Variants in ZNF618 observed in about 807,000 individuals in gnomAD.
ZNF618 encodes the protein neural precursor cell expressed, developmentally down-regulated 10.
A neutral mutation model predicts 103.0 loss-of-function variants in ZNF618; 34 were observed. The observed-to-expected ratio is 0.33, with a 90% confidence interval of 0.25 to 0.44. The LOEUF (loss-of-function observed/expected upper bound fraction) is 0.44. Among genes scored for constraint, ZNF618 ranks in the 20% least tolerant of loss-of-function variants. ZNF618 has a pLI of 1.00. For synonymous variants in ZNF618, 551 were observed against 542.2 expected, an observed-to-expected ratio of 1.02 and a Z score of -0.23; for missense variants, 1,059 against 1,295.4, an observed-to-expected ratio of 0.82 and a Z score of 2.80.
At chr9:113,897,543 A>G (rs929575416) in intron 1 of ZNF618, among the ~76,000 whole-genome samples, 1 of 152,186 alleles carries the variant, frequency 6.6e-6, no homozygotes, top group Non-Finnish European at 1.5e-5. Flanking sequence ...TTTCTTAATA[A>G]TAGGAAATGT....
intron 2 of ZNF618, among the ~76,000 whole-genome samples, chr9:113,969,803 AC>A (rs1837779584): frequency 6.6e-6 from 1 of 152,148 alleles, no homozygotes; most frequent in Admixed American, 6.5e-5. Context: ...TGCTGCTGTT[AC>A]GTTGGGTAGA....
At chr9:113,918,385 C>T (rs1249453070) in intron 1 of ZNF618, among the ~76,000 whole-genome samples, 1 of 152,172 alleles carries the variant, frequency 6.6e-6, no homozygotes, top group Non-Finnish European at 1.5e-5. Context: ...TATTTTGAGA[C>T]TATGCAAATA....
intron 10 of ZNF618, among the ~76,000 whole-genome samples, chr9:114,017,582 CAG>C (rs535828425): frequency 5.8e-4 from 88 of 152,290 alleles, no homozygotes; most frequent in African/African-American, 2.1e-3. Flanking sequence ...CAAAGTCTGA[CAG>C]GGGTGGGGCT....
intron 10 of ZNF618, among the ~76,000 whole-genome samples, chr9:114,021,747 G>T (rs920910122): frequency 6.6e-6 from 1 of 151,960 alleles, no homozygotes; most frequent in African/African-American, 2.4e-5. Flanking sequence ...TCCCCATCCC[G>T]AGGCAAACAC....
chr9:113,943,606 A>T (rs1252270266), intron 1 of ZNF618, among the ~76,000 whole-genome samples: 1 of 150,214 alleles, frequency 6.7e-6, no homozygotes. Flanking sequence ...TTTTTTTTTT[A>T]AGAAAAGCTG....
At chr9:113,883,339 CT>C (rs1828710969) in intron 1 of ZNF618, among the ~76,000 whole-genome samples, 2 of 152,238 alleles carry the variant, frequency 1.3e-5, no homozygotes, top group Non-Finnish European at 1.5e-5. Flanking sequence ...CACCCCTGCC[CT>C]CCTCACTCCT....
intron 1 of ZNF618, among the ~76,000 whole-genome samples, chr9:113,939,820 A>T (rs979245341): frequency 1.3e-5 from 2 of 151,166 alleles, no homozygotes; most frequent in African/African-American, 4.9e-5. Context: ...CCACTTTTTC[A>T]TTTTTTAATA....
intron 1 of ZNF618, among the ~76,000 whole-genome samples, chr9:113,963,524 T>G (rs1435545680): frequency 6.6e-6 from 1 of 152,172 alleles, no homozygotes; most frequent in Non-Finnish European, 1.5e-5. Flanking sequence ...TGAAAAATAC[T>G]GACCACTGGG....
Position 113,989,962 on chromosome 9 carries a change from C to G in ZNF618, c.337+1382C>G, listed in dbSNP as rs138250175. Reference sequence around the variant, plus strand: ...TCCCCTGCTTATACCCTGGGACTCCCTACTGTCTCTAGAGTCGAGGCCAGA... The same window carrying G: ...TCCCCTGCTTATACCCTGGGACTCCGTACTGTCTCTAGAGTCGAGGCCAGA... On this transcript the variant is annotated intron_variant, in intron 3 of 14. Coordinates refer to ENST00000374126, the MANE Select transcript of ZNF618 (RefSeq NM_001318042.2). Among the ~76,000 whole-genome samples, 1,342 of 152,346 alleles carry G rather than the reference C, an allele frequency of 8.8e-3. 11 individuals are homozygous for G. The highest frequency in any genetic ancestry group is 0.015 in the Non-Finnish European group (1,011 of 68,022).
chr9:114,045,783 T>C (rs1845602950), intron 13 of ZNF618, among the ~76,000 whole-genome samples: 1 of 151,876 alleles, frequency 6.6e-6, no homozygotes, highest in South Asian at 2.1e-4. Context: ...ATAAGGATTG[T>C]GTTTAATCTA....
intron 1 of ZNF618, among the ~76,000 whole-genome samples, chr9:113,924,666 T>C (rs923605342): frequency 1.3e-5 from 2 of 151,908 alleles, no homozygotes; most frequent in African/African-American, 2.4e-5. Flanking sequence ...TTCAGTGCTA[T>C]AAAATTTCCT....
chr9:113,968,094 G>A (rs2132754306), intron 1 of ZNF618, among the ~76,000 whole-genome samples: 1 of 152,320 alleles, frequency 6.6e-6, no homozygotes, highest in African/African-American at 2.4e-5. Context: ...AACTCAAAAA[G>A]TTTTTATAAC....
intron 1 of ZNF618, among the ~76,000 whole-genome samples, chr9:113,952,463 TCTGA>T (rs558175682): frequency 1.1e-4 from 17 of 152,326 alleles, no homozygotes; most frequent in Admixed American, 1.1e-3. Context: ...CAGGACTAAC[TCTGA>T]CTGTGACTCT....
chr9:114,009,099 A>G (rs1206917308), intron 9 of ZNF618, among the ~76,000 whole-genome samples: 1 of 152,156 alleles, frequency 6.6e-6, no homozygotes, highest in Non-Finnish European at 1.5e-5. Flanking sequence ...TGTTTTTGAT[A>G]AACTTGTATT....
At chr9:113,934,182 G>A (rs1228315082) in intron 1 of ZNF618, among the ~76,000 whole-genome samples, 5 of 152,182 alleles carry the variant, frequency 3.3e-5, no homozygotes, top group African/African-American at 1.2e-4. Context: ...GGCACACGGT[G>A]TCTAGATGAT....
At chr9:113,902,836 G>GTGC (rs1335436778) in intron 1 of ZNF618, among the ~76,000 whole-genome samples, 2 of 152,218 alleles carry the variant, frequency 1.3e-5, no homozygotes, top group Non-Finnish European at 2.9e-5. Context: ...TGGAGAACCA[G>GTGC]TGCTGCTTGT....
At chr9:113,967,728 T>C (rs896865642) in intron 1 of ZNF618, among the ~76,000 whole-genome samples, 14 of 152,208 alleles carry the variant, frequency 9.2e-5, no homozygotes, top group African/African-American at 3.4e-4. Context: ...GTCCACATCC[T>C]AGCGCCTAAT....
intron 2 of ZNF618, among the ~76,000 whole-genome samples, chr9:113,978,074 G>C (rs1838647252): frequency 6.6e-6 from 1 of 152,194 alleles, no homozygotes; most frequent in African/African-American, 2.4e-5. Flanking sequence ...TAGGTTAATA[G>C]TTTTAATCTA....
In ZNF618 at chr9:113,998,275, A is replaced by AG; in HGVS notation, c.356dup (p.Ser120GlnfsTer18). ...GTAATTCAGATGGAAAAGCGCCCGA[A>AG]GGCAGCCCCCACGGTGGATCTGTGC... On this transcript the variant is annotated frameshift_variant, in exon 4 of 15. Coordinates refer to ENST00000374126, the MANE Select transcript of ZNF618 (RefSeq NM_001318042.2). LOFTEE classifies it high-confidence loss of function. 1 of 1,550,594 alleles carries AG rather than the reference A, an allele frequency of 6.4e-7. No individual in the cohort carries two copies. The highest frequency in any genetic ancestry group is 1.4e-5 in the African/African-American group (1 of 73,188).
Sources: gnomAD v4.1 joint callset for allele counts (sites outside exome capture counted in the v4.1 genomes callset) on GRCh38, gnomAD v4.1.1 for gene constraint, MANE v1.5 for transcripts, NCBI Gene and HGNC (gene_info 2026-07-23, HGNC 2026-07-21) for gene names.